Variants in RALGPS1 observed in about 807,000 individuals in gnomAD.
The protein encoded by RALGPS1 is Ral GEF with PH domain and SH3 binding motif 1.
Under a neutral mutation model 78.8 loss-of-function variants are expected in RALGPS1, and 19 were observed. The ratio of observed to expected loss-of-function variants is 0.24; its 90% CI spans 0.17 to 0.35. The LOEUF (loss-of-function observed/expected upper bound fraction) is 0.35, where lower values mean the gene tolerates loss of function less well. Ranked by LOEUF, RALGPS1 falls within the 10% of genes least tolerant of loss-of-function variation. The pLI is 1.00. For synonymous variants in RALGPS1, 228 were observed against 256.3 expected (o/e 0.89, Z 1.06); for missense variants, 454 against 688.3 (o/e 0.66, Z 3.81).
At chr9:127,095,385 A>G (rs1410604510) in intron 8 of RALGPS1, among the ~76,000 whole-genome samples, 2 of 152,224 alleles carry the variant, frequency 1.3e-5, no homozygotes, top group African/African-American at 4.8e-5. Context: ...GTGGCAGAGC[A>G]AGACAAGACT....
chr9:126,978,606 C>CAA lies in RALGPS1; in HGVS notation c.216+876_216+877dup, dbSNP rs57764057. On this transcript the variant is annotated intron_variant, in intron 4 of 18. Transcript: ENST00000259351. Reference sequence around the variant, plus strand: ...CCTGGACAAAAGAGCGAGACTCTGTCAAAAAAAAAAAAAAAAGTAGCTGAA... The same window carrying CAA: ...CCTGGACAAAAGAGCGAGACTCTGTCAAAAAAAAAAAAAAAAAAGTAGCTGAA... Among the ~76,000 whole-genome samples, 31 of 110,598 alleles carry CAA rather than the reference C, an allele frequency of 2.8e-4. 1 individual carries two copies. The highest frequency in any genetic ancestry group is 4.3e-4 in the Non-Finnish European group (22 of 50,900). 72.6% of individuals were successfully genotyped at this position (110,598 alleles called of 152,430 possible).
intron 5 of RALGPS1, among the ~76,000 whole-genome samples, chr9:127,046,407 C>A (rs1033535882): frequency 2.6e-5 from 4 of 152,058 alleles, no homozygotes; most frequent in Non-Finnish European, 5.9e-5. Context: ...CCTTGTGTAT[C>A]TGTGTTTCTA....
In RALGPS1 at chr9:127,175,664, C is replaced by A. The variant is rs1052085697; in HGVS notation, c.910+882C>A. On this transcript the variant is annotated intron_variant, in intron 11 of 18. Transcript: ENST00000259351. ...TGCAGTCTTGGACAAGTGACTTAACCCCTTTGGGCCTCCTTTTTTTTTTTT... is the reference window on the plus strand; with the variant it reads ...TGCAGTCTTGGACAAGTGACTTAACACCTTTGGGCCTCCTTTTTTTTTTTT... 6.7e-5 allele frequency among the ~76,000 whole-genome samples: 10 copies of A among 148,410 alleles called. No individual in the cohort carries two copies. The East Asian group carries it at 1.8e-3, about 26-fold the overall frequency.
intron 4 of RALGPS1, among the ~76,000 whole-genome samples, chr9:126,979,289 GTTCA>G (rs2041002144): frequency 6.6e-6 from 1 of 151,838 alleles, no homozygotes; most frequent in Admixed American, 6.6e-5. Flanking sequence ...GTGTCTGTGT[GTTCA>G]TTAGGGTTGG....
rs182200248 is a variant in RALGPS1 at position 126,932,523 on chromosome 9, G to A, written c.-66+17548G>A. Among the ~76,000 whole-genome samples, 15 of 152,230 alleles carry A rather than the reference G, an allele frequency of 9.9e-5. No homozygotes were observed. In the East Asian group the frequency reaches 2.9e-3, roughly 29 times the overall value. On this transcript the variant is annotated intron_variant, in intron 1 of 18. Transcript: ENST00000259351. Reference sequence around the variant, plus strand: ...ACCAGTGTCCATTGGTAGTAGAAGGGATAATACACGTGGTACACTCCCATG... The same window carrying A: ...ACCAGTGTCCATTGGTAGTAGAAGGAATAATACACGTGGTACACTCCCATG...
At chr9:126,997,624 C>T (rs1588921012) in intron 4 of RALGPS1, among the ~76,000 whole-genome samples, 1 of 152,256 alleles carries the variant, frequency 6.6e-6, no homozygotes, top group South Asian at 2.1e-4. Flanking sequence ...AATGCCATCC[C>T]CATCAAGCTA....
chr9:127,043,963 A>T (rs1349463488), intron 5 of RALGPS1, among the ~76,000 whole-genome samples: 1 of 152,234 alleles, frequency 6.6e-6, no homozygotes, highest in Non-Finnish European at 1.5e-5. Flanking sequence ...GAAGCAACAC[A>T]AACTCTTATT....
intron 11 of RALGPS1, among the ~76,000 whole-genome samples, chr9:127,188,402 T>C (rs2140352585): frequency 6.6e-6 from 1 of 152,184 alleles, no homozygotes. Context: ...TCTATACACC[T>C]CTCCTGGGTT....
At chr9:126,954,242 A>C (rs2038134708) in intron 1 of RALGPS1, among the ~76,000 whole-genome samples, 1 of 152,124 alleles carries the variant, frequency 6.6e-6, no homozygotes, top group African/African-American at 2.4e-5. Flanking sequence ...TAACAGCCTC[A>C]AACTTAGAAG....
chr9:126,963,343 A>G (rs1389515973), intron 2 of RALGPS1, among the ~76,000 whole-genome samples: 1 of 152,092 alleles, frequency 6.6e-6, no homozygotes, highest in Admixed American at 6.5e-5. Flanking sequence ...ATGTGTATAT[A>G]TGTATATGTG....
chr9:127,214,372 G>A (rs906660891), intron 17 of RALGPS1, among the ~76,000 whole-genome samples: 2 of 152,064 alleles, frequency 1.3e-5, no homozygotes, highest in Non-Finnish European at 2.9e-5. Context: ...GTATCGGACC[G>A]TACTAGATCT....
rs560465120 is a variant in RALGPS1 at position 127,104,256 on chromosome 9, T to G, written c.610+34900T>G. ...TCTGACAAAGCCCGTCTGTGGCAGC[T>G]GCTGTTGGCGCTGTCCTTTCCTCCC... On this transcript the variant is annotated intron_variant, in intron 8 of 18. Transcript: ENST00000259351. Among the ~76,000 whole-genome samples the G allele has an allele frequency of 1.7e-3, 265 of 152,354 alleles. 3 individuals are homozygous for G. The highest frequency in any genetic ancestry group is 6.2e-3 in the African/African-American group (259 of 41,590).
rs2047072129 is a variant in RALGPS1, at chr9:127,038,952, A to G, written c.300+4438A>G. Among the ~76,000 whole-genome samples, 3 of 152,230 alleles carry G rather than the reference A, an allele frequency of 2.0e-5. No individual in the cohort carries two copies. The South Asian group carries it at 6.2e-4, about 32-fold the overall frequency. ...GAGGGTCCTCTTTTGGTATTTGGGC[A>G]GTCCCATCCTTGAGACAGTGAACAC... On this transcript the variant is annotated intron_variant, in intron 5 of 18. Transcript: ENST00000259351.
At chr9:127,096,412 G>A (rs1027615018) in intron 8 of RALGPS1, among the ~76,000 whole-genome samples, 21 of 152,290 alleles carry the variant, frequency 1.4e-4, no homozygotes, top group East Asian at 9.6e-4. Flanking sequence ...GCAAAATAAC[G>A]CCCACTGAGA....
At chr9:127,101,932 T>C (rs1199734827) in intron 8 of RALGPS1, among the ~76,000 whole-genome samples, 1 of 152,162 alleles carries the variant, frequency 6.6e-6, no homozygotes, top group Admixed American at 6.5e-5. Context: ...AAGGATCACA[T>C]AAATACTCCA....
chr9:127,058,021 T>C (rs2048889212), intron 7 of RALGPS1, among the ~76,000 whole-genome samples: 1 of 152,190 alleles, frequency 6.6e-6, no homozygotes, highest in Non-Finnish European at 1.5e-5. Flanking sequence ...AGGCCTAACG[T>C]AGATTCAGGC....
chr9:127,207,668 C>G (rs958537947), intron 14 of RALGPS1, among the ~76,000 whole-genome samples: 28 of 152,248 alleles, frequency 1.8e-4, no homozygotes, highest in African/African-American at 6.8e-4. Context: ...AAGATCCTAG[C>G]TCCTCTATGC....
chr9:127,004,326 A>G (rs2043629263), intron 4 of RALGPS1, among the ~76,000 whole-genome samples: 2 of 152,156 alleles, frequency 1.3e-5, no homozygotes, highest in Admixed American at 6.5e-5. Flanking sequence ...TTGTATTTTT[A>G]GTAGAGACAG....
intron 4 of RALGPS1, among the ~76,000 whole-genome samples, chr9:126,987,894 T>A (rs569779018): frequency 6.6e-6 from 1 of 152,184 alleles, no homozygotes; most frequent in East Asian, 1.9e-4. Context: ...CGCTAGCGTA[T>A]CAAGGAAAGA....
Sources: gnomAD v4.1 joint callset for allele counts (sites outside exome capture counted in the v4.1 genomes callset) on GRCh38, gnomAD v4.1.1 for gene constraint, MANE v1.5 for transcripts, NCBI Gene and HGNC (gene_info 2026-07-23, HGNC 2026-07-21) for gene names.